The following KCTD1 variants were observed in gnomAD, a reference collection of about 807,000 sequenced individuals.
The protein encoded by KCTD1 is BTB/POZ domain-containing protein KCTD1.
In KCTD1, 24 loss-of-function variants were observed where a neutral mutation model predicts 66.0. The ratio of observed to expected loss-of-function variants is 0.36; its 90% confidence interval spans 0.26 to 0.51. The LOEUF is 0.51. KCTD1 is among the 20% of genes least tolerant of loss of function. The probability of loss-of-function intolerance (pLI) is 0.95; values close to 1 mark genes in which losing one functional copy is unlikely to be tolerated. For synonymous variants in KCTD1, 511 were observed against 517.2 expected, an observed-to-expected ratio of 0.99 and a Z score of 0.16; for missense variants, 943 against 1,205.2, an observed-to-expected ratio of 0.78 and a Z score of 3.22.
At chr18:26,601,967 T>A (rs1460672208) in intron 1 of KCTD1, among the ~76,000 whole-genome samples, 1 of 152,164 alleles carries the variant, frequency 6.6e-6, no homozygotes, top group Non-Finnish European at 1.5e-5. Context: ...CTCATATTTA[T>A]GCCTTTATTT....
chr18:26,549,128 C>A, upstream of KCTD1: 3 of 984,956 alleles, frequency 3.0e-6, no homozygotes, highest in Non-Finnish European at 3.6e-6. Flanking sequence ...GGTTAATGAG[C>A]AGGGTGGAGG....
chr18:26,589,655 C>T (rs60960526), intron 1 of KCTD1, among the ~76,000 whole-genome samples: 2,273 of 152,292 alleles, frequency 0.015, 37 homozygotes, highest in African/African-American at 0.049. Flanking sequence ...TTCTTGCTAA[C>T]AGAACCCCAT....
chr18:26,543,316 T>C (rs1198503686), intron 1 of KCTD1: 1 of 152,228 alleles, frequency 6.6e-6, no homozygotes, highest in Non-Finnish European at 1.5e-5. Flanking sequence ...CAAGAAGTCT[T>C]GTTACAATCG....
chr18:26,489,735 T>C (rs562574059), intron 2 of KCTD1, among the ~76,000 whole-genome samples: 6 of 152,300 alleles, frequency 3.9e-5, no homozygotes, highest in African/African-American at 1.4e-4. Context: ...ATAGCATAGG[T>C]ATCCTTGAAA....
At chr18:26,553,199 A>G (rs917360531), upstream of KCTD1, among the ~76,000 whole-genome samples, 2 of 152,054 alleles carry the variant, frequency 1.3e-5, no homozygotes, top group African/African-American at 4.8e-5. Context: ...CATGTTGCCT[A>G]TGCTGGTCTT....
intron 1 of KCTD1, among the ~76,000 whole-genome samples, chr18:26,537,075 C>T (rs1180892048): frequency 2.6e-5 from 4 of 152,060 alleles, no homozygotes; most frequent in South Asian, 2.1e-4. Flanking sequence ...CTGGGGTGAG[C>T]GGAAAAGAAG....
chr18:26,483,657 C>T (rs907968885), intron 2 of KCTD1, among the ~76,000 whole-genome samples: 3 of 152,210 alleles, frequency 2.0e-5, no homozygotes, highest in Non-Finnish European at 4.4e-5. Flanking sequence ...TCTCAACCAA[C>T]TTTTTTTCCT....
At chr18:26,629,218 G>T in exon 1 of KCTD1, 1 of 985,336 alleles carries the variant, frequency 1.0e-6, no homozygotes, top group South Asian at 4.7e-5. Flanking sequence ...GGCTTGAGGA[G>T]AAAAAGCTAG....
At chr18:26,625,806 C>A (rs968054890) in intron 1 of KCTD1, among the ~76,000 whole-genome samples, 23 of 152,100 alleles carry the variant, frequency 1.5e-4, no homozygotes, top group African/African-American at 5.6e-4. Flanking sequence ...TCTCTGGTCC[C>A]CCTTCCTAAC....
At chr18:26,655,921 G>C (rs891078990) in intron 1 of KCTD1, 2 of 152,252 alleles carry the variant, frequency 1.3e-5, no homozygotes, top group African/African-American at 4.8e-5. Flanking sequence ...TCACCATTAC[G>C]CGCCCCCCAC....
At position 26,459,660 on chromosome 18, in the gene KCTD1, C is replaced by G. The variant is rs1980297335; in HGVS notation, c.2399G>C (p.Arg800Thr). 1 of 1,608,882 alleles carries G rather than the reference C, an allele frequency of 6.2e-7. No individual in the cohort carries two copies. Among genetic ancestry groups the G allele is most frequent in the Non-Finnish European group, 8.5e-7 (1 of 1,176,272 alleles). Residue 800 changes from arginine to threonine, a missense_variant, in exon 4 of 5, where the codon AGG (arginine) becomes ACG (threonine). Coordinates refer to ENST00000580059, the MANE Select transcript of KCTD1 (RefSeq NM_001142730.3). ...GWNHDSTHVI[R>T]FPLNGYCHLN... The stretch of plus-strand genomic sequence containing the variant: ...GTGACAGTAGCCATTTAGTGGAAAC[C>G]TGATGACGTGCGTCGAGTCGTGATT...
chr18:26,586,634 C>A (rs1471927854), intron 1 of KCTD1, among the ~76,000 whole-genome samples: 2 of 152,122 alleles, frequency 1.3e-5, no homozygotes. Flanking sequence ...GTTGTGAATG[C>A]AAAGGAAAAG....
chr18:26,642,771 G>C (rs1357594066), upstream of KCTD1, among the ~76,000 whole-genome samples: 1 of 152,044 alleles, frequency 6.6e-6, no homozygotes, highest in Non-Finnish European at 1.5e-5. Flanking sequence ...AACCTTTAGA[G>C]CATGTTCCAT....
chr18:26,579,929 C>T (rs1986314983), intron 1 of KCTD1, among the ~76,000 whole-genome samples: 1 of 152,102 alleles, frequency 6.6e-6, no homozygotes, highest in Non-Finnish European at 1.5e-5. Flanking sequence ...TTTGAGCTAC[C>T]CCCATTTTTG....
chr18:26,509,197 A>G (rs1983208777), intron 1 of KCTD1, among the ~76,000 whole-genome samples: 1 of 151,746 alleles, frequency 6.6e-6, no homozygotes, highest in African/African-American at 2.4e-5. Context: ...TTCAAAATTG[A>G]TGAGTACTGT....
At chr18:26,545,043 A>G (rs568808726) in intron 1 of KCTD1, 1 of 152,318 alleles carries the variant, frequency 6.6e-6, no homozygotes, top group African/African-American at 2.4e-5. Flanking sequence ...CCTTAGAACA[A>G]AACAAAACCA....
At chr18:26,549,762 CG>C (rs1245114055), upstream of KCTD1, 5 of 985,336 alleles carry the variant, frequency 5.1e-6, no homozygotes, top group African/African-American at 8.7e-5. Flanking sequence ...GTTCGCCCTC[CG>C]GGCTGCGCTG....
intron 1 of KCTD1, among the ~76,000 whole-genome samples, chr18:26,564,843 T>G (rs1985944848): frequency 6.6e-6 from 1 of 151,140 alleles, no homozygotes; most frequent in Non-Finnish European, 1.5e-5. Flanking sequence ...GAGCTGAGAC[T>G]GTGCCATTGC....
At chr18:26,494,805 C>CT (rs1012079241) in intron 2 of KCTD1, among the ~76,000 whole-genome samples, 18 of 150,260 alleles carry the variant, frequency 1.2e-4, no homozygotes, top group Middle Eastern at 3.4e-3. Context: ...CATAAACTAA[C>CT]TTTTTTTTTT....
Sources: allele counts gnomAD v4.1 joint callset (sites outside exome capture counted in the v4.1 genomes callset), GRCh38; gene constraint gnomAD v4.1.1; transcripts MANE v1.5; gene names NCBI Gene and HGNC (gene_info 2026-07-23, HGNC 2026-07-21).